Variants in CC2D2B observed in about 807,000 individuals in gnomAD.
CC2D2B encodes coiled-coil and C2 domain containing 2B, also known as protein CC2D2B.
A neutral mutation model predicts 161.2 loss-of-function variants in CC2D2B; 128 were observed. That is an observed-to-expected ratio of 0.79 (90% CI 0.69 to 0.92). The LOEUF (loss-of-function observed/expected upper bound fraction) is 0.92, where lower values mean the gene tolerates loss of function less well. Ranked by LOEUF, CC2D2B falls within the 40% of genes least tolerant of loss-of-function variation. The probability of loss-of-function intolerance (pLI) is 0.00; values close to 1 mark genes in which losing one functional copy is unlikely to be tolerated. For synonymous variants in CC2D2B, 391 were observed against 449.8 expected (o/e 0.87, Z 1.65); for missense variants, 1,173 against 1,375.1 (o/e 0.85, Z 2.32).
chr10:95,993,950 GTGTATATATATATATATATATATATATA>G (rs1279055801), intron 22 of CC2D2B, among the ~76,000 whole-genome samples: 41 of 13,716 alleles, frequency 3.0e-3, no homozygotes, highest in African/African-American at 0.011. Context: ...GTGTATGTAT[GTGTATATATATATATATATATATATATA>G]TATATATATA....
intron 33 of CC2D2B, among the ~76,000 whole-genome samples, chr10:96,026,954 C>T (rs2079807432): frequency 6.6e-6 from 1 of 152,124 alleles, no homozygotes; most frequent in Non-Finnish European, 1.5e-5. Flanking sequence ...GAAACCCCGT[C>T]TCTACTGAAA....
intron 9 of CC2D2B, among the ~76,000 whole-genome samples, chr10:95,941,287 G>T (rs1457320709): frequency 6.6e-6 from 1 of 152,104 alleles, no homozygotes; most frequent in African/African-American, 2.4e-5. Context: ...TCTTGGCAGT[G>T]GTTTCCTGGA....
intron 17 of CC2D2B, among the ~76,000 whole-genome samples, chr10:95,974,864 G>A (rs942359792): frequency 6.6e-6 from 1 of 152,160 alleles, no homozygotes; most frequent in African/African-American, 2.4e-5. Flanking sequence ...AATAGTTGGA[G>A]CACACGGGAT....
chr10:95,965,711 C>CTA (rs2076916908), intron 12 of CC2D2B, among the ~76,000 whole-genome samples, 185 bp from the exon 13 acceptor site: 1 of 151,422 alleles, frequency 6.6e-6, no homozygotes, highest in Admixed American at 6.6e-5. Context: ...CGAGAACAAG[C>CTA]TTATAAAGTT....
At chr10:95,961,255 CA>C (rs537314122) in intron 11 of CC2D2B, among the ~76,000 whole-genome samples, 82 of 152,206 alleles carry the variant, frequency 5.4e-4, no homozygotes, top group African/African-American at 1.9e-3. Context: ...TGGCAGGGCT[CA>C]GTGGCTTACG....
intron 32 of CC2D2B, chr10:96,021,234 T>C (rs1312969092): frequency 6.6e-6 from 1 of 152,206 alleles, no homozygotes; most frequent in African/African-American, 2.4e-5. Context: ...GATGTGCCAA[T>C]TCAAACTTCT....
rs80306334 is a variant in CC2D2B, at chr10:95,990,221, T to A, written c.2380-1149T>A. The stretch of plus-strand genomic sequence containing the variant: ...TAGTATGTTACAGAGTGAAAGGTGC[T>A]ATGAAAAATAAAGTAGGAAGAGAGA... On this transcript the variant is annotated intron_variant, in intron 20 of 34. Transcript: ENST00000646931. 9.1e-3 allele frequency among the ~76,000 whole-genome samples: 1,392 copies of A among 152,148 alleles called. 11 individuals carry two copies. The highest frequency in any genetic ancestry group is 0.032 in the African/African-American group (1,336 of 41,484).
intron 34 of CC2D2B, among the ~76,000 whole-genome samples, chr10:96,027,801 T>C (rs1374663750): frequency 6.6e-6 from 1 of 152,056 alleles, no homozygotes; most frequent in Non-Finnish European, 1.5e-5. Flanking sequence ...CATAGACCAA[T>C]GGAACAGAAT....
rs2079828861 is a variant in CC2D2B at position 96,027,370 on chromosome 10, G to T, written c.4106G>T (p.Arg1369Ile). ...VSSEGDNEFE[R>I]ILQFYWVTGF... is the part of the protein sequence containing the mutation. ...TCTGAAGGAGATAATGAATTTGAAA[G>T]AATACTACAATTTTATTGGGTTTGT... is the stretch of plus-strand genomic sequence containing the variant. Residue 1369 changes from arginine to isoleucine, a missense_variant, in exon 34 of 35, where the codon AGA (arginine) becomes ATA (isoleucine). By Grantham distance (97) the Arg-to-Ile change is moderately conservative. Coordinates refer to ENST00000646931, the MANE Select transcript of CC2D2B (RefSeq NM_001349008.3). 1 of 1,546,572 alleles carries T rather than the reference G, an allele frequency of 6.5e-7. No individual in the cohort carries two copies. The highest frequency in any genetic ancestry group is 2.5e-5 in the East Asian group (1 of 40,808).
Position 95,926,524 on chromosome 10 carries a change from T to G in CC2D2B, c.241-713T>G, listed in dbSNP as rs1035046958. ...CTTATAATTTTATATTTTATAAAAT[T>G]ATCTTATATAAAGTTATATCTTATA... On this transcript the variant is annotated intron_variant, in intron 5 of 34. Coordinates refer to ENST00000646931, the MANE Select transcript of CC2D2B (RefSeq NM_001349008.3). Among the ~76,000 whole-genome samples, 10 of 151,558 alleles carry G rather than the reference T, an allele frequency of 6.6e-5. No homozygotes were observed. The East Asian group carries it at 7.7e-4, about 12-fold the overall frequency.
intron 6 of CC2D2B, among the ~76,000 whole-genome samples, chr10:95,936,196 A>C (rs1370437203): frequency 1.3e-5 from 2 of 152,146 alleles, no homozygotes; most frequent in Non-Finnish European, 2.9e-5. Context: ...GAGTGGGGCA[A>C]ATGGGCTTCT....
chr10:95,950,861 C>T (rs896611366), intron 10 of CC2D2B, among the ~76,000 whole-genome samples: 5 of 151,916 alleles, frequency 3.3e-5, no homozygotes, highest in Admixed American at 2.6e-4. Context: ...GCTCTGTCGC[C>T]GAGGCTAGAG....
chr10:96,019,498 G>T (rs2079361186), intron 31 of CC2D2B, 161 bp downstream of exon 31: 1 of 824,308 alleles, frequency 1.2e-6, no homozygotes, highest in Non-Finnish European at 1.9e-6. Context: ...CCAGGTGATT[G>T]TGTAGTGCCT....
chr10:96,013,129 A>C (rs1477751342), intron 28 of CC2D2B, among the ~76,000 whole-genome samples: 2 of 152,186 alleles, frequency 1.3e-5, no homozygotes, highest in Non-Finnish European at 2.9e-5. Flanking sequence ...GAAGGTCATA[A>C]TGGCACATAA....
At chr10:96,029,294 A>ATGTATATCTATATATATATGTG (rs1564689401) in intron 34 of CC2D2B, among the ~76,000 whole-genome samples, 7 of 125,528 alleles carry the variant, frequency 5.6e-5, no homozygotes, top group Admixed American at 1.7e-4. Context: ...ATGTATATAT[A>ATGTATATCTATATATATATGTG]TATATATATA....
At chr10:96,018,393 A>G (rs2079298759) in intron 30 of CC2D2B, among the ~76,000 whole-genome samples, 1 of 152,170 alleles carries the variant, frequency 6.6e-6, no homozygotes, top group African/African-American at 2.4e-5. Flanking sequence ...ATGGCTTTTT[A>G]ACTTTACTTG....
intron 9 of CC2D2B, among the ~76,000 whole-genome samples, chr10:95,941,584 A>G (rs1699485629): frequency 6.6e-6 from 1 of 152,194 alleles, no homozygotes; most frequent in East Asian, 1.9e-4. Context: ...CATATAAAAC[A>G]TGCCTAACAT....
At chr10:95,920,875 T>A (rs1208058873) in intron 2 of CC2D2B, 1 of 152,432 alleles carries the variant, frequency 6.6e-6, no homozygotes, top group African/African-American at 2.4e-5. Flanking sequence ...TTTAGGACTC[T>A]GCTTGGTGCT....
At chr10:95,926,678 G>A (rs2098539071) in intron 5 of CC2D2B, among the ~76,000 whole-genome samples, 1 of 152,052 alleles carries the variant, frequency 6.6e-6, no homozygotes, top group African/African-American at 2.4e-5. Context: ...TGAGAAAGAA[G>A]TGATTTATCA....
Sources: gnomAD v4.1 joint callset for allele counts (sites outside exome capture counted in the v4.1 genomes callset) on GRCh38, gnomAD v4.1.1 for gene constraint, MANE v1.5 for transcripts, NCBI Gene and HGNC (gene_info 2026-07-23, HGNC 2026-07-21) for gene names.